GABRA3: variants seen among roughly 807,000 people sequenced by gnomAD.
GABRA3 encodes the protein gamma-aminobutyric acid receptor subunit alpha-3.
GABRA3 carries 10 observed loss-of-function variants against 30.1 expected under a neutral mutation model. That is an observed-to-expected ratio of 0.33 (90% CI 0.20 to 0.56). The LOEUF is 0.56. GABRA3 is among the 20% of genes least tolerant of loss of function. GABRA3 has a pLI of 0.89. For missense variants in GABRA3, 233 were observed against 392.0 expected (o/e 0.59, Z 3.42); for synonymous variants, 151 against 146.8 (o/e 1.03, Z -0.21).
intron 9 of GABRA3, among the ~76,000 whole-genome samples, chrX:152,185,739 C>T (rs1321871807): frequency 8.9e-6 from 1 of 111,952 alleles, no homozygotes; most frequent in Non-Finnish European, 1.9e-5. Flanking sequence ...TCAAATAGGG[C>T]TTATGCTCTC....
intron 1 of GABRA3, among the ~76,000 whole-genome samples, chrX:152,405,179 T>G: frequency 9.4e-6 from 1 of 106,556 alleles, no homozygotes; most frequent in African/African-American, 3.4e-5. Context: ...GAGAGCAAGG[T>G]GAGTATGGGT....
At chrX:152,265,335 A>G (rs1273916250) in intron 4 of GABRA3, among the ~76,000 whole-genome samples, 1 of 111,714 alleles carries the variant, frequency 9.0e-6, no homozygotes, top group African/African-American at 3.2e-5. Flanking sequence ...GAAATCAATA[A>G]TAAGAGGAAT....
At chrX:152,434,591 G>A (rs1930730584) in intron 1 of GABRA3, among the ~76,000 whole-genome samples, 1 of 110,993 alleles carries the variant, frequency 9.0e-6, no homozygotes, top group African/African-American at 3.3e-5. Context: ...TGCATTATAA[G>A]AAAAGAAAAT....
intron 3 of GABRA3, among the ~76,000 whole-genome samples, chrX:152,337,504 A>C (rs183429770): frequency 2.2e-4 from 24 of 111,086 alleles, no homozygotes; most frequent in African/African-American, 7.5e-4. Context: ...AAAGACCTCC[A>C]GTTCCACCCA....
intron 7 of GABRA3, among the ~76,000 whole-genome samples, chrX:152,199,810 C>T (rs1179650814): frequency 9.2e-6 from 1 of 109,120 alleles, no homozygotes; most frequent in South Asian, 4.1e-4. Context: ...CTCACTTGCT[C>T]TCCTTCCCTC....
chrX:152,445,060 C>CAAAAAA (rs1204814043), intron 1 of GABRA3, among the ~76,000 whole-genome samples: 7 of 18,716 alleles, frequency 3.7e-4, no homozygotes, highest in Non-Finnish European at 3.0e-4. Flanking sequence ...GACTCCGTCT[C>CAAAAAA]AAAAAAAAAA....
At position 152,215,357 on chromosome X, in the gene GABRA3, G is replaced by T. The variant is rs962163891; in HGVS notation, c.635-7213C>A. On this transcript the variant is annotated intron_variant, in intron 6 of 9. Coordinates refer to ENST00000370314, the MANE Select transcript of GABRA3 (RefSeq NM_000808.4). ...TCTTTTTCTATACCTAATTAGTTAAGAGCTTTCATCAGGAAGAGATGTTGA... is the reference window on the plus strand; with the variant it reads ...TCTTTTTCTATACCTAATTAGTTAATAGCTTTCATCAGGAAGAGATGTTGA... Among the ~76,000 whole-genome samples, 5 of 110,765 alleles carry T rather than the reference G, an allele frequency of 4.5e-5. 1 individual carries two copies. The highest frequency in any genetic ancestry group is 6.5e-5 in the African/African-American group (2 of 30,611).
chrX:152,341,545 C>CTTT lies in GABRA3; in HGVS notation c.262+4033_262+4035dup, dbSNP rs1201836478. 2.4e-3 allele frequency among the ~76,000 whole-genome samples: 206 copies of CTTT among 86,713 alleles called. 2 individuals are homozygous for CTTT. Among genetic ancestry groups the CTTT allele is most frequent in the African/African-American group, 7.5e-3 (168 of 22,522 alleles). The allele number at this position is 86,713 out of a possible 115,157, so 75.3% of individuals were successfully genotyped here. ...CCATATCCATAACAACATCTATTGA[C>CTTT]TTTTTTTTTTTTTTTTTTTGAGTCT... On this transcript the variant is annotated intron_variant, in intron 3 of 9. Coordinates refer to ENST00000370314, the MANE Select transcript of GABRA3 (RefSeq NM_000808.4).
intron 1 of GABRA3, among the ~76,000 whole-genome samples, chrX:152,429,836 A>C (rs958653998): frequency 9.0e-6 from 1 of 111,725 alleles, no homozygotes; most frequent in Admixed American, 9.5e-5. Context: ...GGCAAGTCCA[A>C]TGTTCCTGAT....
chrX:152,182,164 G>A (rs1826369444), intron 9 of GABRA3, among the ~76,000 whole-genome samples: 1 of 109,445 alleles, frequency 9.1e-6, no homozygotes, highest in Non-Finnish European at 1.9e-5. Context: ...ACTTCATTCT[G>A]TTAATGTGGT....
At chrX:152,236,186 T>C (rs1361201463) in intron 5 of GABRA3, among the ~76,000 whole-genome samples, 2 of 88,281 alleles carry the variant, frequency 2.3e-5, no homozygotes, top group Non-Finnish European at 4.3e-5. Context: ...GATATTCCCC[T>C]TCCTGTGTCC....
chrX:152,325,570 T>C (rs1019131339), intron 3 of GABRA3, among the ~76,000 whole-genome samples: 6 of 111,950 alleles, frequency 5.4e-5, no homozygotes, highest in Non-Finnish European at 5.6e-5. Flanking sequence ...CTGCTGGTGA[T>C]ACCCAGGCAA....
intron 1 of GABRA3, among the ~76,000 whole-genome samples, chrX:152,383,521 C>T (rs1929207521): frequency 9.2e-6 from 1 of 108,966 alleles, no homozygotes; most frequent in South Asian, 3.9e-4. Flanking sequence ...CTGAAAGAAT[C>T]ATTTACCATG....
intron 1 of GABRA3, among the ~76,000 whole-genome samples, chrX:152,396,859 T>C (rs952974399): frequency 8.9e-6 from 1 of 112,075 alleles, no homozygotes; most frequent in Non-Finnish European, 1.9e-5. Flanking sequence ...ACTAACATGC[T>C]TGAAAATCAT....
Position 152,249,653 on chromosome X carries a change from C to T in GABRA3, c.551+6125G>A, listed in dbSNP as rs763775049. Among the ~76,000 whole-genome samples the T allele has an allele frequency of 3.2e-3, 358 of 110,382 alleles. 1 individual carries two copies. The highest frequency in any genetic ancestry group is 0.011 in the African/African-American group (341 of 30,444). ...TAGTGGATCCTCATCATGTTTATGC[C>T]AACATAGCGTATAAGCCCCTCTCCC... On this transcript the variant is annotated intron_variant, in intron 5 of 9. Coordinates refer to ENST00000370314, the MANE Select transcript of GABRA3 (RefSeq NM_000808.4).
chrX:152,277,714 G>A lies in GABRA3; in HGVS notation c.330+6954C>T, dbSNP rs183013541. 4.5e-5 allele frequency among the ~76,000 whole-genome samples: 5 copies of A among 111,907 alleles called. No homozygotes were observed. The East Asian group carries it at 1.4e-3, about 31-fold the overall frequency. ...ACAAATGAATTCTGTTGTTTTGTGA[G>A]GCATTTAAATCACATCTTCCAGATA... On this transcript the variant is annotated intron_variant, in intron 4 of 9. Coordinates refer to ENST00000370314, the MANE Select transcript of GABRA3 (RefSeq NM_000808.4).
intron 4 of GABRA3, among the ~76,000 whole-genome samples, chrX:152,276,689 A>T (rs1461699361): frequency 8.9e-6 from 1 of 112,219 alleles, no homozygotes; most frequent in African/African-American, 3.2e-5. Flanking sequence ...GATAGTTAAA[A>T]TAAATGAATT....
rs1440958499 is a variant in GABRA3, at chrX:152,168,424, G to C, written c.1283C>G (p.Pro428Arg). 1 of 1,212,084 alleles carries C rather than the reference G, an allele frequency of 8.3e-7. No homozygotes were observed. Among genetic ancestry groups the C allele is most frequent in the Non-Finnish European group, 1.1e-6 (1 of 895,565 alleles). ...KGAAPSASST[P>R]TIIASPKATY... ...GGCCTTGGGTGAAGCAATGATTGTT[G>C]GGGTTGAGGAGGCACTGGGAGCAGC... Residue 428 changes from proline (P) to arginine (R), a missense_variant, in exon 10 of 10, where the codon CCA becomes CGA. Pro to Arg is a moderately radical substitution (Grantham distance 103, BLOSUM62 -2). Coordinates refer to ENST00000370314, the MANE Select transcript of GABRA3 (RefSeq NM_000808.4).
chrX:152,428,732 T>A (rs1357139179), intron 1 of GABRA3, among the ~76,000 whole-genome samples: 1 of 111,695 alleles, frequency 9.0e-6, no homozygotes, highest in East Asian at 2.8e-4. Flanking sequence ...ATTGAGTATT[T>A]ACTTATTTCT....
Sources: gnomAD v4.1 joint callset for allele counts (sites outside exome capture counted in the v4.1 genomes callset) on GRCh38, gnomAD v4.1.1 for gene constraint, MANE v1.5 for transcripts, NCBI Gene and HGNC (gene_info 2026-07-23, HGNC 2026-07-21) for gene names.